Variants in CTBP2 observed in about 807,000 individuals in gnomAD.
CTBP2 encodes the protein C-terminal-binding protein 2.
Under a neutral mutation model 80.3 loss-of-function variants are expected in CTBP2, and 30 were observed. The ratio of observed to expected loss-of-function variants is 0.37; its 90% confidence interval spans 0.28 to 0.51. The LOEUF is 0.51. CTBP2 is among the 20% of genes least tolerant of loss of function. The probability of loss-of-function intolerance (pLI) is 0.93; values close to 1 mark genes in which losing one functional copy is unlikely to be tolerated. For synonymous variants in CTBP2, 594 were observed against 587.4 expected, an observed-to-expected ratio of 1.01 and a Z score of -0.16; for missense variants, 1,212 against 1,375.3, an observed-to-expected ratio of 0.88 and a Z score of 1.88.
chr10:125,150,327 C>T (rs1252519528), intron 1 of CTBP2, among the ~76,000 whole-genome samples: 1 of 152,212 alleles, frequency 6.6e-6, no homozygotes, highest in African/African-American at 2.4e-5. Flanking sequence ...CCACATGAAA[C>T]CCTAAGCACT....
chr10:125,158,308 A>G (rs1861299440), intron 1 of CTBP2, among the ~76,000 whole-genome samples: 1 of 152,210 alleles, frequency 6.6e-6, no homozygotes, highest in Admixed American at 6.5e-5. Flanking sequence ...CCAAACACCT[A>G]GTAGAGAAAG....
intron 1 of CTBP2, among the ~76,000 whole-genome samples, chr10:125,112,638 A>T (rs1478513480): frequency 6.6e-6 from 1 of 151,416 alleles, no homozygotes; most frequent in African/African-American, 2.4e-5. Flanking sequence ...CATGTTGGTC[A>T]GGCTGGTATC....
At chr10:125,004,942 T>C (rs1955032037) in intron 1 of CTBP2, among the ~76,000 whole-genome samples, 1 of 152,150 alleles carries the variant, frequency 6.6e-6, no homozygotes, top group Non-Finnish European at 1.5e-5. Flanking sequence ...CAAGGGCTCT[T>C]AGTAGTCCCC....
At position 125,092,658 on chromosome 10, in the gene CTBP2, C is replaced by CG. The variant is rs570762381; in HGVS notation, c.-102+18331dup. On this transcript the variant is annotated intron_variant, in intron 2 of 10. Coordinates refer to the CTBP2 transcript ENST00000337195. Reference sequence around the variant, plus strand: ...AGTTCCATAGTAGCAAGTCAGGCCCCGGGGGCAGTGGAGTAGAACAGAGTG... The same window carrying CG: ...AGTTCCATAGTAGCAAGTCAGGCCCCGGGGGGCAGTGGAGTAGAACAGAGTG... 4.2e-4 allele frequency among the ~76,000 whole-genome samples: 64 copies of CG among 152,252 alleles called. No homozygotes were observed. The South Asian group carries it at 4.8e-3, about 11-fold the overall frequency.
rs145275175 is a variant in CTBP2 at position 125,116,441 on chromosome 10, C to T, written c.-205-5348G>A. Among the ~76,000 whole-genome samples, 467 of 152,172 alleles carry T rather than the reference C, an allele frequency of 3.1e-3. 1 individual carries two copies. Among genetic ancestry groups the T allele is most frequent in the African/African-American group, 0.01 (434 of 41,448 alleles). On this transcript the variant is annotated intron_variant, in intron 1 of 10. Transcript: ENST00000337195. ...AGGAAATGTCCCACCCTTCTCCCCACACTCTGCCCCTCCTCCCAACACTCT... is the reference window on the plus strand; with the variant it reads ...AGGAAATGTCCCACCCTTCTCCCCATACTCTGCCCCTCCTCCCAACACTCT...
At chr10:124,995,274 C>T (rs1953318332) in intron 4 of CTBP2, among the ~76,000 whole-genome samples, 1 of 152,230 alleles carries the variant, frequency 6.6e-6, no homozygotes, top group Non-Finnish European at 1.5e-5. Context: ...ACCTGTCCCA[C>T]TGGTGGGGCC....
intron 3 of CTBP2, among the ~76,000 whole-genome samples, chr10:125,037,989 G>T (rs2028395): frequency 6.6e-6 from 1 of 152,012 alleles, no homozygotes; most frequent in African/African-American, 2.4e-5. Flanking sequence ...TTTATAATTT[G>T]TGAATGTTTA....
chr10:125,158,911 T>C (rs559610170), intron 1 of CTBP2, among the ~76,000 whole-genome samples: 29 of 150,924 alleles, frequency 1.9e-4, no homozygotes, highest in African/African-American at 6.5e-4. Flanking sequence ...AGGGAGTGTG[T>C]GCGCGCGTGT....
rs986053919 is a variant in CTBP2, at chr10:125,066,980, G to A, written c.-101-27825C>T. Among the ~76,000 whole-genome samples the A allele has an allele frequency of 1.3e-5, 2 of 152,152 alleles. No individual in the cohort carries two copies. Among genetic ancestry groups the A allele is most frequent in the African/African-American group, 4.8e-5 (2 of 41,430 alleles). Reference sequence around the variant, plus strand: ...TGCTGAATTCCTGAAGTCCCCGCCTGACCACCAGGCCCAGGTATAAGGGAA... The same window carrying A: ...TGCTGAATTCCTGAAGTCCCCGCCTAACCACCAGGCCCAGGTATAAGGGAA... On this transcript the variant is annotated intron_variant, in intron 2 of 10. Coordinates refer to the CTBP2 transcript ENST00000337195. The surrounding 1 kb of genome is among the most constrained non-coding windows in gnomAD (Gnocchi z 4.1).
At chr10:125,009,736 G>A (rs922856053) in intron 1 of CTBP2, among the ~76,000 whole-genome samples, 3 of 152,164 alleles carry the variant, frequency 2.0e-5, no homozygotes, top group Non-Finnish European at 2.9e-5. Context: ...ATGCTGGGAC[G>A]TACGCAAGTG....
chr10:125,049,041 CCACAGA>C (rs1961982204), intron 2 of CTBP2, among the ~76,000 whole-genome samples: 1 of 112,416 alleles, frequency 8.9e-6, no homozygotes. Context: ...GCCCGCCTGA[CCACAGA>C]CACACACACA....
upstream of CTBP2, among the ~76,000 whole-genome samples, chr10:125,030,224 A>C (rs1260728660): frequency 6.6e-6 from 1 of 152,212 alleles, no homozygotes; most frequent in East Asian, 1.9e-4. Flanking sequence ...CATGTTGACT[A>C]AAAGTGAGAT....
At position 125,003,490 on chromosome 10, in the gene CTBP2, T is replaced by A; in HGVS notation, c.1681A>T (p.Ile561Phe). ...GGGCCGTTCATGATCTGGGGGCGGA[T>A]ACCTGCCAGGAGGGAAGGGGTGAGC... Residue 561 changes from isoleucine to phenylalanine, a missense_variant and splice_region_variant, in exon 2 of 9, where the codon ATC becomes TTC. Physicochemically the swap from Ile to Phe is conservative, Grantham distance 21. Around this residue, in one of 3 missense-constraint regions of CTBP2, gnomAD observed 29 missense variants for 88.3 expected, o/e 0.33. Transcript: ENST00000309035. 1 of 1,558,720 alleles carries A rather than the reference T, an allele frequency of 6.4e-7. No individual in the cohort carries two copies.
At chr10:125,038,156 T>A (rs1959071323) in intron 3 of CTBP2, among the ~76,000 whole-genome samples, 1 of 152,176 alleles carries the variant, frequency 6.6e-6, no homozygotes, top group Non-Finnish European at 1.5e-5. Context: ...CACATCTACT[T>A]ATAGGACAGA....
intron 1 of CTBP2, among the ~76,000 whole-genome samples, chr10:125,116,275 G>T (rs1339605217): frequency 6.6e-6 from 1 of 152,232 alleles, no homozygotes; most frequent in Admixed American, 6.5e-5. Flanking sequence ...GTAGTGTGCA[G>T]GTCACAGTGC....
chr10:125,111,940 C>T (rs984446280), intron 1 of CTBP2, among the ~76,000 whole-genome samples: 3 of 151,928 alleles, frequency 2.0e-5, no homozygotes, highest in African/African-American at 4.8e-5. Flanking sequence ...ACTGGAGAGC[C>T]CATGTATGAA....
chr10:125,143,734 AT>A (rs1353655886), intron 1 of CTBP2, among the ~76,000 whole-genome samples: 1 of 152,184 alleles, frequency 6.6e-6, no homozygotes, highest in Non-Finnish European at 1.5e-5. Context: ...TTTATTTTGT[AT>A]TTAATCTCTA....
At chr10:125,058,684 C>T (rs1476932418) in intron 2 of CTBP2, among the ~76,000 whole-genome samples, 5 of 152,030 alleles carry the variant, frequency 3.3e-5, no homozygotes, top group South Asian at 2.1e-4. Flanking sequence ...CACCTGAGGC[C>T]GGGAGTTCGA....
chr10:125,123,609 G>C (rs1400224116), intron 1 of CTBP2, among the ~76,000 whole-genome samples: 1 of 152,226 alleles, frequency 6.6e-6, no homozygotes, highest in Non-Finnish European at 1.5e-5. Context: ...GCGCTTACAA[G>C]GAGGGGCCAT....
Sources: gnomAD v4.1 joint callset for allele counts (sites outside exome capture counted in the v4.1 genomes callset) on GRCh38, gnomAD v4.1.1 for gene constraint, gnomAD v4.1.1 regional missense constraint, Gnocchi (gnomAD v3.1) non-coding constraint, MANE v1.5 for transcripts, NCBI Gene and HGNC (gene_info 2026-07-23, HGNC 2026-07-21) for gene names.